The following RAB1A variants were observed in gnomAD, a reference collection of about 807,000 sequenced individuals.
RAB1A encodes ras-related protein Rab-1A.
A neutral mutation model predicts 26.0 loss-of-function variants in RAB1A; 2 were observed. The ratio of observed to expected loss-of-function variants is 0.08; its 90% CI spans 0.03 to 0.24. The LOEUF (loss-of-function observed/expected upper bound fraction) is 0.24. Ranked by LOEUF, RAB1A falls within the 10% of genes least tolerant of loss-of-function variation. The pLI, the probability that RAB1A is intolerant of heterozygous loss-of-function variation, is 1.00. For missense variants in RAB1A, 100 were observed against 247.0 expected, an observed-to-expected ratio of 0.40 and a Z score of 3.99; for synonymous variants, 84 against 84.9, an observed-to-expected ratio of 0.99 and a Z score of 0.06.
intron 1 of RAB1A, among the ~76,000 whole-genome samples, chr2:65,111,840 T>C (rs1004668970): frequency 3.3e-5 from 5 of 152,094 alleles, no homozygotes; most frequent in African/African-American, 9.7e-5. Flanking sequence ...TCCCAGCACT[T>C]TGGGAGGCCC....
chr2:65,127,767 T>C (rs1273412353), intron 1 of RAB1A, among the ~76,000 whole-genome samples: 3 of 152,134 alleles, frequency 2.0e-5, no homozygotes, highest in Admixed American at 2.0e-4. Flanking sequence ...GGAGTCTTGC[T>C]CTGTCGTCCA....
intron 1 of RAB1A, among the ~76,000 whole-genome samples, chr2:65,119,594 CAAAA>C (rs1287722706): frequency 6.7e-6 from 1 of 148,572 alleles, no homozygotes; most frequent in Admixed American, 6.7e-5. Context: ...CAAAAAAAAA[CAAAA>C]AAACCCTATC....
At chr2:65,092,507 G>A (rs1669194584) in intron 3 of RAB1A, among the ~76,000 whole-genome samples, 1 of 152,172 alleles carries the variant, frequency 6.6e-6, no homozygotes, top group African/African-American at 2.4e-5. Context: ...GACTATAGAA[G>A]CTGCTCAATA....
At chr2:65,098,483 C>G (rs1043326294) in intron 2 of RAB1A, among the ~76,000 whole-genome samples, 1 of 152,144 alleles carries the variant, frequency 6.6e-6, no homozygotes, top group Non-Finnish European at 1.5e-5. Context: ...CACAAAACAA[C>G]AATTTCACTC....
chr2:65,095,011 A>G (rs1669250248), intron 3 of RAB1A, among the ~76,000 whole-genome samples: 1 of 152,214 alleles, frequency 6.6e-6, no homozygotes, highest in Admixed American at 6.5e-5. Context: ...CAGAAGTAAA[A>G]GAAACAGGCT....
rs928901733 is a variant in RAB1A, at chr2:65,114,718, G to A, written c.24-9912C>T. Among the ~76,000 whole-genome samples, 11 of 152,186 alleles carry A rather than the reference G, an allele frequency of 7.2e-5. No individual in the cohort carries two copies. The East Asian group carries it at 1.2e-3, about 16-fold the overall frequency. Reference sequence around the variant, plus strand: ...AAATTAGCCGGGCGCGGTGGCGGGCGCCTGTAGTCCCAGCTACTCGGGAGG... The same window carrying A: ...AAATTAGCCGGGCGCGGTGGCGGGCACCTGTAGTCCCAGCTACTCGGGAGG... On this transcript the variant is annotated intron_variant, in intron 1 of 5. Coordinates refer to ENST00000409784, the MANE Select transcript of RAB1A (RefSeq NM_004161.5).
chr2:65,087,463 A>G lies in RAB1A; in HGVS notation c.*1030T>C, dbSNP rs1669061892. ...TTGAATCTGACTGAAAGCATGGAAG[A>G]AAAACATTAGCACACATTAGTCTGA... On this transcript the variant is annotated 3_prime_UTR_variant, in exon 6 of 6. Coordinates refer to ENST00000409784, the MANE Select transcript of RAB1A (RefSeq NM_004161.5). 1 of 152,682 alleles carries G rather than the reference A, an allele frequency of 6.5e-6. No homozygotes were observed. Among genetic ancestry groups the G allele is most frequent in the East Asian group, 1.9e-4 (1 of 5,198 alleles). 9.5% of individuals were successfully genotyped at this position (152,682 alleles called of 1,614,324 possible).
At chr2:65,111,942 G>A (rs1669707726) in intron 1 of RAB1A, among the ~76,000 whole-genome samples, 1 of 151,904 alleles carries the variant, frequency 6.6e-6, no homozygotes, top group Admixed American at 6.6e-5. Flanking sequence ...AATTAGCCGG[G>A]CGTGGTGGCA....
At chr2:65,101,236 C>T (rs954043442) in intron 2 of RAB1A, among the ~76,000 whole-genome samples, 2 of 152,098 alleles carry the variant, frequency 1.3e-5, no homozygotes, top group African/African-American at 4.8e-5. Context: ...TATTCGTCTG[C>T]CCAAAAGCCT....
chr2:65,123,249 C>T (rs1670015455), intron 1 of RAB1A, among the ~76,000 whole-genome samples: 1 of 149,332 alleles, frequency 6.7e-6, no homozygotes, highest in Non-Finnish European at 1.5e-5. Flanking sequence ...CGGCTCACTG[C>T]AAGCTCTGCC....
At chr2:65,103,691 G>A (rs548134030) in intron 2 of RAB1A, among the ~76,000 whole-genome samples, 2 of 152,180 alleles carry the variant, frequency 1.3e-5, no homozygotes, top group Admixed American at 6.5e-5. Context: ...TGGGCTACCT[G>A]AGAGGGTCTT....
chr2:65,103,884 T>A (rs1264161369), intron 2 of RAB1A, among the ~76,000 whole-genome samples: 3 of 152,100 alleles, frequency 2.0e-5, no homozygotes, highest in Admixed American at 6.6e-5. Flanking sequence ...GTTCAAGCGA[T>A]TCTCCTGCCT....
chr2:65,129,513 T>C (rs1409868619), intron 1 of RAB1A, among the ~76,000 whole-genome samples: 1 of 152,102 alleles, frequency 6.6e-6, no homozygotes, highest in Non-Finnish European at 1.5e-5. Flanking sequence ...CAGTGCCCTC[T>C]AGAAGGGCTC....
In RAB1A at chr2:65,096,085, G is replaced by A. The variant is rs560730161; in HGVS notation, c.192+1886C>T. Among the ~76,000 whole-genome samples, 11 of 152,204 alleles carry A rather than the reference G, an allele frequency of 7.2e-5. No individual in the cohort carries two copies. The East Asian group carries it at 7.7e-4, about 11-fold the overall frequency. On this transcript the variant is annotated intron_variant, in intron 3 of 5. Transcript: ENST00000409784. ...AGAGAACTGCTTGAACCTGGGAGGC[G>A]GAGGCTGCAGCGAGCCAAGATTGCA... is the stretch of plus-strand genomic sequence containing the variant.
Position 65,130,051 on chromosome 2 carries a change from T to A in RAB1A, c.-136A>T. On this transcript the variant is annotated 5_prime_UTR_variant, in exon 1 of 6. Coordinates refer to ENST00000409784, the MANE Select transcript of RAB1A (RefSeq NM_004161.5). ...AGAGCAAACGTCTTCCCCTACTCCG[T>A]CCCCTAGAACACAATCAGCAGCCGC... 3.0e-6 allele frequency: 3 copies of A among 987,992 alleles called. No individual in the cohort carries two copies. The highest frequency in any genetic ancestry group is 1.5e-6 in the Non-Finnish European group (1 of 645,516). 61.2% of individuals were successfully genotyped at this position (987,992 alleles called of 1,614,324 possible). A position where few individuals can be genotyped will look rare whatever the true frequency, so the allele number is the denominator to read the frequency against.
intron 3 of RAB1A, among the ~76,000 whole-genome samples, chr2:65,093,628 T>TC (rs1264284249): frequency 1.3e-5 from 2 of 151,458 alleles, no homozygotes; most frequent in Non-Finnish European, 2.9e-5. Context: ...GTTTAGATTT[T>TC]TTTTTTTTTT....
At chr2:65,096,216 A>G (rs7607039) in intron 3 of RAB1A, among the ~76,000 whole-genome samples, 110,240 of 151,156 alleles carry the variant, frequency 0.73, 40,408 homozygotes, top group East Asian at 0.9. Context: ...TAGGGAGGCT[A>G]AGGCAGGAGA....
intron 3 of RAB1A, among the ~76,000 whole-genome samples, chr2:65,092,394 G>T (rs186429120): frequency 6.6e-6 from 1 of 152,100 alleles, no homozygotes; most frequent in Admixed American, 6.5e-5. Context: ...TTAATATTAG[G>T]GAGAGTCACC....
intron 1 of RAB1A, 77 bp downstream of exon 1, chr2:65,129,816 C>G: frequency 6.4e-7 from 1 of 1,553,792 alleles, no homozygotes; most frequent in Non-Finnish European, 8.7e-7. Flanking sequence ...CGACTTCTGC[C>G]CCAACCCTCC....
Sources: gnomAD v4.1 joint callset for allele counts (sites outside exome capture counted in the v4.1 genomes callset) on GRCh38, gnomAD v4.1.1 for gene constraint, MANE v1.5 for transcripts, NCBI Gene and HGNC (gene_info 2026-07-23, HGNC 2026-07-21) for gene names.